PLS1: variants seen among roughly 807,000 people sequenced by gnomAD.
The protein encoded by PLS1 is plastin 1.
A neutral mutation model predicts 73.7 loss-of-function variants in PLS1; 32 were observed. That is an observed-to-expected ratio of 0.43 (90% CI 0.33 to 0.58). The LOEUF (loss-of-function observed/expected upper bound fraction) is 0.58, where lower values mean the gene tolerates loss of function less well. PLS1 is among the 20% of genes least tolerant of loss of function. The pLI is 0.04. For synonymous variants in PLS1, 217 were observed against 261.3 expected, an observed-to-expected ratio of 0.83 and a Z score of 1.63; for missense variants, 633 against 740.5, an observed-to-expected ratio of 0.85 and a Z score of 1.68.
rs56125583 is a variant in PLS1, at chr3:142,614,323, G to A, written c.-37+17814G>A. On this transcript the variant is annotated intron_variant, in intron 1 of 15. Coordinates refer to ENST00000457734, the MANE Select transcript of PLS1 (RefSeq NM_001145319.2). ...AGTAGAGCTTACACTTAACTACCAA[G>A]GATAGAAGGATGTGTAGAAGGGGGT... Among the ~76,000 whole-genome samples, 1,500 of 152,290 alleles carry A rather than the reference G, an allele frequency of 9.8e-3. 27 individuals are homozygous for A. The highest frequency in any genetic ancestry group is 0.034 in the African/African-American group (1,430 of 41,552).
At chr3:142,694,312 C>G (rs2038147666) in intron 10 of PLS1, among the ~76,000 whole-genome samples, 157 bp from the exon 11 acceptor site, 1 of 151,932 alleles carries the variant, frequency 6.6e-6, no homozygotes, top group Admixed American at 6.6e-5. Context: ...GGGACTTTGG[C>G]ATTAAGAGAC....
At position 142,712,645 on chromosome 3, in the gene PLS1, C is replaced by A. The variant is rs1279663274; in HGVS notation, c.*638C>A. 6.6e-6 allele frequency: 1 copy of A among 152,366 alleles called. No individual in the cohort carries two copies. The highest frequency in any genetic ancestry group is 1.9e-4 in the East Asian group (1 of 5,196). 9.4% of individuals were successfully genotyped at this position (152,366 alleles called of 1,614,324 possible). A position where few individuals can be genotyped will look rare whatever the true frequency, so the allele number is the denominator to read the frequency against. On this transcript the variant is annotated 3_prime_UTR_variant, in exon 16 of 16. Transcript: ENST00000457734. ...TAATTTTAACTACATTGATACTTTA[C>A]ACATCCTAGTTTGGTAACACAGCTT...
At chr3:142,656,395 T>G (rs1045925485) in intron 1 of PLS1, among the ~76,000 whole-genome samples, 5 of 152,244 alleles carry the variant, frequency 3.3e-5, no homozygotes, top group African/African-American at 1.2e-4. Context: ...TATTTTACCC[T>G]TTGTCCAAAG....
chr3:142,648,957 G>T (rs2037019251), intron 1 of PLS1, among the ~76,000 whole-genome samples: 1 of 152,084 alleles, frequency 6.6e-6, no homozygotes, highest in South Asian at 2.1e-4. Context: ...GGATAAATCT[G>T]CAAACATCTT....
intron 2 of PLS1, among the ~76,000 whole-genome samples, chr3:142,668,899 GC>G (rs564451910): frequency 2.6e-5 from 4 of 151,436 alleles, no homozygotes; most frequent in African/African-American, 4.9e-5. Flanking sequence ...ACTGCGCCTG[GC>G]CCCCCCCATG....
chr3:142,652,994 CT>C (rs1470766737), intron 1 of PLS1, among the ~76,000 whole-genome samples: 1 of 152,154 alleles, frequency 6.6e-6, no homozygotes, highest in African/African-American at 2.4e-5. Context: ...AAAGTTATTT[CT>C]TCTAAGTCCT....
At chr3:142,636,871 T>C (rs963935496) in intron 1 of PLS1, among the ~76,000 whole-genome samples, 1 of 150,284 alleles carries the variant, frequency 6.7e-6, no homozygotes, top group Non-Finnish European at 1.5e-5. Context: ...CATAGTGAGA[T>C]AGCACTATTT....
chr3:142,684,540 C>A (rs2037924250), intron 8 of PLS1, 145 bp downstream of exon 8: 2 of 640,164 alleles, frequency 3.1e-6, no homozygotes, highest in Non-Finnish European at 5.4e-6. Flanking sequence ...TGAAGTAGAT[C>A]CCCCAATTAT....
chr3:142,689,654 C>G lies in PLS1; in HGVS notation c.1018C>G (p.Gln340Glu). 6.2e-7 allele frequency: 1 copy of G among 1,609,738 alleles called. No homozygotes were observed. Among genetic ancestry groups the G allele is most frequent in the Non-Finnish European group, 8.5e-7 (1 of 1,178,276 alleles). Reference sequence around the variant, plus strand: ...CCTGAAGCGTGCTGGACTCATGCTTCAAGAAGCAGATAAACTGGGCTGCAA... The same window carrying G: ...CCTGAAGCGTGCTGGACTCATGCTTGAAGAAGCAGATAAACTGGGCTGCAA... Reference protein sequence around the residue: ...NDLKRAGLMLQEADKLGCKQF... With the variant: ...NDLKRAGLMLEEADKLGCKQF... Residue 340 changes from glutamine (Q) to glutamate (E), a missense_variant, in exon 10 of 16, where the codon CAA (glutamine) becomes GAA (glutamate). Transcript: ENST00000457734.
At chr3:142,685,302 C>T (rs567709111) in intron 8 of PLS1, among the ~76,000 whole-genome samples, 5 of 152,230 alleles carry the variant, frequency 3.3e-5, no homozygotes, top group Non-Finnish European at 7.3e-5. Context: ...AAAGACTCAG[C>T]TCTTGAGAAG....
chr3:142,678,059 T>C lies in PLS1; in HGVS notation c.525T>C (p.Asp175=), dbSNP rs368383441. The change falls in exon 6 of 16, where the codon GAT becomes GAC. Residue 175 remains aspartate (D), a synonymous_variant. Transcript: ENST00000457734. ...LCKMINLSEP[D]TIDERAINKK... is the part of the protein sequence containing the mutation. The stretch of plus-strand genomic sequence containing the variant: ...AAATGATCAACTTATCTGAACCAGA[T>C]ACAATTGATGAAAGAGCCATCAATA... The C allele has an allele frequency of 3.9e-6, 6 of 1,546,832 alleles. No homozygotes were observed. In the Admixed American group the frequency reaches 9.5e-5, roughly 25 times the overall value.
intron 8 of PLS1, 37 bp downstream of exon 8, chr3:142,684,432 A>G (rs1197842063): frequency 6.4e-7 from 1 of 1,565,132 alleles, no homozygotes; most frequent in Non-Finnish European, 8.8e-7. Context: ...GACATGAAAT[A>G]AGGATGTGCA....
At chr3:142,648,543 A>G (rs752819945) in intron 1 of PLS1, among the ~76,000 whole-genome samples, 8 of 152,232 alleles carry the variant, frequency 5.3e-5, no homozygotes, top group Non-Finnish European at 7.3e-5. Context: ...TTGTGTGATT[A>G]TGAGTAGCAA....
At chr3:142,636,575 T>C (rs890154155) in intron 1 of PLS1, among the ~76,000 whole-genome samples, 9 of 152,194 alleles carry the variant, frequency 5.9e-5, no homozygotes, top group Admixed American at 5.9e-4. Flanking sequence ...GGTGGATAAG[T>C]TGGACTTCAT....
chr3:142,612,004 C>T (rs1186863792), intron 1 of PLS1, among the ~76,000 whole-genome samples: 1 of 152,120 alleles, frequency 6.6e-6, no homozygotes, highest in African/African-American at 2.4e-5. Flanking sequence ...AAAACCAGCG[C>T]TCTCAATGAC....
intron 6 of PLS1, 68 bp from the exon 7 acceptor site, chr3:142,683,938 A>G: frequency 8.7e-7 from 1 of 1,147,514 alleles, no homozygotes; most frequent in South Asian, 1.7e-5. Flanking sequence ...TGTTTCTTAT[A>G]GATAATTTTT....
At chr3:142,699,323 G>A (rs1005660924) in intron 12 of PLS1, among the ~76,000 whole-genome samples, 4 of 152,164 alleles carry the variant, frequency 2.6e-5, no homozygotes, top group Non-Finnish European at 4.4e-5. Flanking sequence ...GCCAGGCGTA[G>A]TGGTGGGTGC....
At chr3:142,646,066 G>A (rs139100604) in intron 1 of PLS1, among the ~76,000 whole-genome samples, 4 of 152,330 alleles carry the variant, frequency 2.6e-5, no homozygotes, top group African/African-American at 2.4e-5. Flanking sequence ...TCAGAGCCCA[G>A]CTCTGCCACT....
intron 1 of PLS1, among the ~76,000 whole-genome samples, chr3:142,630,910 A>G (rs951970841): frequency 1.4e-5 from 2 of 146,770 alleles, no homozygotes; most frequent in Admixed American, 6.7e-5. Context: ...ATATAGACCA[A>G]TGGAACAGAA....
Sources: gnomAD v4.1 joint callset for allele counts (sites outside exome capture counted in the v4.1 genomes callset) on GRCh38, gnomAD v4.1.1 for gene constraint, MANE v1.5 for transcripts, NCBI Gene and HGNC (gene_info 2026-07-23, HGNC 2026-07-21) for gene names.